Variants in CTNNA2 observed in about 807,000 individuals in gnomAD.
The protein encoded by CTNNA2 is catenin alpha 2.
CTNNA2 carries 42 observed loss-of-function variants against 101.0 expected under a neutral mutation model. That is an observed-to-expected ratio of 0.42 (90% CI 0.32 to 0.54). CTNNA2 has a LOEUF of 0.54. Ranked by LOEUF, CTNNA2 falls within the 20% of genes least tolerant of loss-of-function variation. The pLI, the probability that CTNNA2 is intolerant of heterozygous loss-of-function variation, is 0.14. For missense variants in CTNNA2, 871 were observed against 1,223.1 expected, an observed-to-expected ratio of 0.71 and a Z score of 4.29; for synonymous variants, 450 against 456.4, an observed-to-expected ratio of 0.99 and a Z score of 0.18.
chr2:79,236,018 A>G (rs1193325316), intron 2 of CTNNA2, among the ~76,000 whole-genome samples: 1 of 151,948 alleles, frequency 6.6e-6, no homozygotes, highest in Non-Finnish European at 1.5e-5. Flanking sequence ...AGGAGCAGAG[A>G]TAGGTGGAGT....
rs552183862 is a variant in CTNNA2, at chr2:79,393,007, T to G, written c.-135+18994T>G. On this transcript the variant is annotated intron_variant, in intron 4 of 21. Transcript: ENST00000466387. ...AAATCTCAATACTTCTTCAAGCGGCTTCATGAAAATCCTGACCTGAGTTTT... is the reference window on the plus strand; with the variant it reads ...AAATCTCAATACTTCTTCAAGCGGCGTCATGAAAATCCTGACCTGAGTTTT... Among the ~76,000 whole-genome samples, 31 of 152,314 alleles carry G rather than the reference T, an allele frequency of 2.0e-4. 1 individual carries two copies. Among genetic ancestry groups the G allele is most frequent in the African/African-American group, 7.5e-4 (31 of 41,562 alleles).
In CTNNA2 at chr2:80,603,889, A is replaced by G. The variant is rs565680671; in HGVS notation, c.2190-185A>G. ...GTGAACATGCACATAAAAATATGGG[A>G]AAATATTTCCAAAAACGACTACTAA... On this transcript the variant is annotated intron_variant, in intron 15 of 18. Transcript: ENST00000402739. 6 of 534,704 alleles carry G rather than the reference A, an allele frequency of 1.1e-5. No homozygotes were observed. The African/African-American group carries it at 1.2e-4, about 10-fold the overall frequency. The allele number at this position is 534,704 out of a possible 1,614,324, so 33.1% of individuals were successfully genotyped here.
rs550289558 is a variant in CTNNA2, at chr2:80,648,381, A to C, written c.*509A>C. 6.6e-6 allele frequency: 1 copy of C among 152,664 alleles called. No homozygotes were observed. Among genetic ancestry groups the C allele is most frequent in the African/African-American group, 2.4e-5 (1 of 41,546 alleles). The allele number at this position is 152,664 out of a possible 1,614,324, so 9.5% of individuals were successfully genotyped here. On this transcript the variant is annotated 3_prime_UTR_variant, in exon 19 of 19. Coordinates refer to ENST00000402739, the MANE Select transcript of CTNNA2 (RefSeq NM_001282597.3). ...TTTAACCTTGAAGTCTATATCCGTG[A>C]TATTATGTCGATTTTTAACTGAGGG... is the stretch of plus-strand genomic sequence containing the variant.
chr2:80,136,183 T>TCTTGATG (rs1702685150), intron 7 of CTNNA2, among the ~76,000 whole-genome samples: 1 of 152,236 alleles, frequency 6.6e-6, no homozygotes, highest in East Asian at 1.9e-4. Context: ...AAATGACTGT[T>TCTTGATG]CTTGATGCAT....
In CTNNA2 at chr2:79,873,973, T is replaced by G. The variant is rs548948826; in HGVS notation, c.586-103T>G. The G allele has an allele frequency of 2.2e-4, 335 of 1,496,776 alleles. No homozygotes were observed. The South Asian group carries it at 3.5e-3, about 16-fold the overall frequency. 92.7% of individuals were successfully genotyped at this position (1,496,776 alleles called of 1,614,324 possible). On this transcript the variant is annotated intron_variant, in intron 5 of 18. Transcript: ENST00000402739. ...CAGCTAGAAACAGCACAAGGGTTTC[T>G]GAAGTTCAGTGTGTTACTAAGAGTC... is the stretch of plus-strand genomic sequence containing the variant.
intron 1 of CTNNA2, among the ~76,000 whole-genome samples, chr2:79,621,587 T>C (rs1483718634): frequency 6.6e-6 from 1 of 152,150 alleles, no homozygotes; most frequent in Non-Finnish European, 1.5e-5. Context: ...CTAATAAAAA[T>C]ATGTGATTGA....
At chr2:79,292,462 G>T (rs1270280381) in intron 2 of CTNNA2, among the ~76,000 whole-genome samples, 1 of 152,200 alleles carries the variant, frequency 6.6e-6, no homozygotes, top group African/African-American at 2.4e-5. Context: ...GACAAGGGTT[G>T]AATAGCTTGA....
At chr2:79,280,656 T>TGTGTGTGTGTG (rs1337075035) in intron 2 of CTNNA2, among the ~76,000 whole-genome samples, 27 of 96,658 alleles carry the variant, frequency 2.8e-4, no homozygotes, top group South Asian at 1.2e-3. Context: ...TGTGTGTGTG[T>TGTGTGTGTGTG]AAGAGAAAGA....
chr2:79,238,408 TA>T (rs1674583995), intron 2 of CTNNA2, among the ~76,000 whole-genome samples: 1 of 151,970 alleles, frequency 6.6e-6, no homozygotes, highest in Non-Finnish European at 1.5e-5. Context: ...ATAACAGATA[TA>T]AAAATAATGA....
chr2:80,567,424 T>C (rs1694157126), intron 12 of CTNNA2, among the ~76,000 whole-genome samples: 1 of 152,134 alleles, frequency 6.6e-6, no homozygotes, highest in South Asian at 2.1e-4. Flanking sequence ...CATGGATGTG[T>C]GGAATTGTCA....
At chr2:80,631,853 T>C (rs927786408) in intron 18 of CTNNA2, among the ~76,000 whole-genome samples, 3 of 152,136 alleles carry the variant, frequency 2.0e-5, no homozygotes, top group African/African-American at 7.2e-5. Context: ...ATCTGTAGAA[T>C]GATGCGCCTA....
intron 2 of CTNNA2, among the ~76,000 whole-genome samples, chr2:79,211,592 G>A (rs1290742676): frequency 1.3e-5 from 2 of 152,166 alleles, no homozygotes; most frequent in African/African-American, 2.4e-5. Flanking sequence ...GGATGAGCCA[G>A]GAGAAGGAAT....
At chr2:80,512,311 A>C (rs1309611183) in intron 9 of CTNNA2, among the ~76,000 whole-genome samples, 2 of 152,188 alleles carry the variant, frequency 1.3e-5, no homozygotes, top group African/African-American at 4.8e-5. Flanking sequence ...TCATAATAGC[A>C]AAGAAAAGGA....
intron 7 of CTNNA2, among the ~76,000 whole-genome samples, chr2:79,983,664 GATAAGA>G (rs1171340542): frequency 6.6e-6 from 1 of 150,960 alleles, no homozygotes; most frequent in East Asian, 1.9e-4. Flanking sequence ...TGCTGTAACT[GATAAGA>G]ACCTCGGAAT....
chr2:79,623,953 C>T lies in CTNNA2; in HGVS notation c.-5-27599C>T, dbSNP rs17017353. Among the ~76,000 whole-genome samples, 1,061 of 152,140 alleles carry T rather than the reference C, an allele frequency of 7.0e-3. 11 individuals carry two copies. The highest frequency in any genetic ancestry group is 0.023 in the African/African-American group (954 of 41,510). ...TCTGTAACTTGACTTAAATCATTTGCGAAAGAATTCTTGAGTCATATGGAA... is the reference window on the plus strand; with the variant it reads ...TCTGTAACTTGACTTAAATCATTTGTGAAAGAATTCTTGAGTCATATGGAA... On this transcript the variant is annotated intron_variant, in intron 1 of 18. Coordinates refer to ENST00000402739, the MANE Select transcript of CTNNA2 (RefSeq NM_001282597.3).
intron 7 of CTNNA2, among the ~76,000 whole-genome samples, chr2:80,062,874 T>G (rs971188329): frequency 4.6e-5 from 7 of 151,906 alleles, no homozygotes; most frequent in Non-Finnish European, 8.8e-5. Flanking sequence ...CCTGGCTAAT[T>G]TTTTGTATTT....
chr2:79,796,309 A>G (rs1438576643), intron 3 of CTNNA2, among the ~76,000 whole-genome samples: 1 of 148,844 alleles, frequency 6.7e-6, no homozygotes, highest in Non-Finnish European at 1.5e-5. Context: ...AATGGCGTGA[A>G]CCCGGGAGGC....
At chr2:79,199,744 A>G (rs1674008259) in intron 2 of CTNNA2, among the ~76,000 whole-genome samples, 1 of 152,108 alleles carries the variant, frequency 6.6e-6, no homozygotes, top group Admixed American at 6.5e-5. Flanking sequence ...GTGCCAGCTG[A>G]TTCAGTTTTT....
intron 7 of CTNNA2, among the ~76,000 whole-genome samples, chr2:79,924,135 T>TA (rs571167303): frequency 1.1e-4 from 17 of 151,950 alleles, no homozygotes; most frequent in South Asian, 1.0e-3. Flanking sequence ...ATTCAGTCTT[T>TA]AAAAAAAAGG....
Sources: gnomAD v4.1 joint callset for allele counts (sites outside exome capture counted in the v4.1 genomes callset) on GRCh38, gnomAD v4.1.1 for gene constraint, MANE v1.5 for transcripts, NCBI Gene and HGNC (gene_info 2026-07-23, HGNC 2026-07-21) for gene names.